KIAA1328: variants seen among roughly 807,000 people sequenced by gnomAD.
KIAA1328 encodes protein hinderin.
KIAA1328 carries 52 observed loss-of-function variants against 68.1 expected under a neutral mutation model. The observed-to-expected ratio is 0.76, with a 90% CI of 0.61 to 0.96. The LOEUF is 0.96. KIAA1328 is among the 40% of genes least tolerant of loss of function. The pLI is 0.00. For synonymous variants in KIAA1328, 232 were observed against 239.4 expected (o/e 0.97, Z 0.28); for missense variants, 641 against 677.6 (o/e 0.95, Z 0.60).
intron 6 of KIAA1328, among the ~76,000 whole-genome samples, chr18:37,064,258 A>G (rs1325778074): frequency 6.6e-6 from 1 of 152,192 alleles, no homozygotes; most frequent in East Asian, 1.9e-4. Flanking sequence ...TAGCATTACT[A>G]CAGTCATTCA....
At chr18:36,838,773 C>T (rs886844273) in intron 3 of KIAA1328, among the ~76,000 whole-genome samples, 9 of 151,808 alleles carry the variant, frequency 5.9e-5, no homozygotes, top group African/African-American at 1.9e-4. Flanking sequence ...GTTGCTGTGT[C>T]GCCCAGGCTA....
chr18:37,084,201 CT>C, intron 7 of KIAA1328: 1 of 1,526,324 alleles, frequency 6.6e-7, no homozygotes, highest in Non-Finnish European at 8.8e-7. Flanking sequence ...AGAACTCAAA[CT>C]GGATATGAAT....
intron 5 of KIAA1328, among the ~76,000 whole-genome samples, chr18:36,914,494 G>A (rs1042387740): frequency 3.9e-5 from 6 of 152,120 alleles, no homozygotes; most frequent in Non-Finnish European, 8.8e-5. Flanking sequence ...GGCTGAGGTG[G>A]GGGGATCACA....
chr18:37,060,860 G>A (rs1346469340), intron 6 of KIAA1328, among the ~76,000 whole-genome samples: 1 of 152,212 alleles, frequency 6.6e-6, no homozygotes, highest in Non-Finnish European at 1.5e-5. Flanking sequence ...GCTCACGCCT[G>A]TAATCTCAGC....
intron 6 of KIAA1328, among the ~76,000 whole-genome samples, chr18:36,995,773 A>T (rs1379535539): frequency 6.6e-6 from 1 of 152,198 alleles, no homozygotes; most frequent in Non-Finnish European, 1.5e-5. Flanking sequence ...CTAGATAAAT[A>T]TGCCTTTCTC....
intron 6 of KIAA1328, among the ~76,000 whole-genome samples, chr18:37,039,780 T>A (rs2055173203): frequency 6.6e-6 from 1 of 152,224 alleles, no homozygotes; most frequent in South Asian, 2.1e-4. Context: ...CTATTAATTA[T>A]CTAGTCCTGT....
chr18:37,112,053 C>T (rs764525417), intron 7 of KIAA1328, among the ~76,000 whole-genome samples: 1 of 152,210 alleles, frequency 6.6e-6, no homozygotes, highest in Non-Finnish European at 1.5e-5. Flanking sequence ...CCTACCGCAG[C>T]TCAAGGAGGC....
At chr18:36,899,797 T>G (rs899843274) in intron 5 of KIAA1328, among the ~76,000 whole-genome samples, 6 of 151,986 alleles carry the variant, frequency 3.9e-5, no homozygotes, top group Non-Finnish European at 8.8e-5. Flanking sequence ...TTTCTATATT[T>G]GAATTCCTGC....
At chr18:37,172,418 T>G (rs2059517973) in intron 8 of KIAA1328, among the ~76,000 whole-genome samples, 1 of 152,242 alleles carries the variant, frequency 6.6e-6, no homozygotes, top group Non-Finnish European at 1.5e-5. Context: ...TGAGGCCAAG[T>G]CAGGCAGTTC....
intron 6 of KIAA1328, among the ~76,000 whole-genome samples, chr18:36,970,024 A>G (rs996921765): frequency 2.6e-5 from 4 of 152,240 alleles, no homozygotes; most frequent in African/African-American, 4.8e-5. Context: ...TTTCAGGCCA[A>G]TATCCCCAAT....
chr18:37,104,865 C>A (rs1490482030), intron 7 of KIAA1328, among the ~76,000 whole-genome samples: 4 of 152,076 alleles, frequency 2.6e-5, no homozygotes, highest in Non-Finnish European at 5.9e-5. Flanking sequence ...CAGTATCATA[C>A]ACTATTGCTA....
At chr18:36,950,350 A>G (rs939171893) in intron 5 of KIAA1328, among the ~76,000 whole-genome samples, 1 of 152,166 alleles carries the variant, frequency 6.6e-6, no homozygotes, top group Admixed American at 6.5e-5. Flanking sequence ...TCCAAACTCA[A>G]AACCAACGTG....
chr18:37,138,948 C>CTTTT lies in KIAA1328; in HGVS notation c.1233-21229_1233-21226dup, dbSNP rs869053490. On this transcript the variant is annotated intron_variant, in intron 7 of 9. Coordinates refer to ENST00000280020, the MANE Select transcript of KIAA1328 (RefSeq NM_020776.3). ...AATATTTCATGTATGAAATTTTGTTCTTTTTTTTTTTTTTTTTTTTTTTTT... is the reference window on the plus strand; with the variant it reads ...AATATTTCATGTATGAAATTTTGTTCTTTTTTTTTTTTTTTTTTTTTTTTTTTTT... 3.1e-3 allele frequency among the ~76,000 whole-genome samples: 227 copies of CTTTT among 74,116 alleles called. 31 individuals carry two copies. Among genetic ancestry groups the CTTTT allele is most frequent in the East Asian group, 0.01 (26 of 2,598 alleles). The allele number at this position is 74,116 out of a possible 152,430, so 48.6% of individuals were successfully genotyped here. A position where few individuals can be genotyped will look rare whatever the true frequency, so the allele number is the denominator to read the frequency against.
chr18:37,165,586 ATTTTTTT>A (rs767099970), intron 8 of KIAA1328, among the ~76,000 whole-genome samples: 1 of 126,024 alleles, frequency 7.9e-6, no homozygotes, highest in Non-Finnish European at 1.7e-5. Context: ...CACCCGGCTA[ATTTTTTT>A]TTTTTTTTTT....
intron 6 of KIAA1328, among the ~76,000 whole-genome samples, chr18:37,024,143 C>A (rs1039520561): frequency 6.6e-6 from 1 of 151,992 alleles, no homozygotes; most frequent in African/African-American, 2.4e-5. Context: ...CAGACACATT[C>A]CACCATGCCC....
chr18:36,961,016 T>A (rs1301778452), intron 6 of KIAA1328, among the ~76,000 whole-genome samples: 1 of 152,164 alleles, frequency 6.6e-6, no homozygotes, highest in East Asian at 1.9e-4. Flanking sequence ...AACACACTTC[T>A]CTGAGCTAAA....
intron 1 of KIAA1328, 39 bp downstream of exon 1, chr18:36,829,235 C>T (rs1284539875): frequency 2.0e-6 from 3 of 1,486,956 alleles, no homozygotes; most frequent in African/African-American, 2.9e-5. Flanking sequence ...CCGGCGCCCT[C>T]CACGGGACGG....
intron 7 of KIAA1328, among the ~76,000 whole-genome samples, chr18:37,159,050 A>T (rs973960466): frequency 3.4e-5 from 5 of 149,012 alleles, no homozygotes; most frequent in South Asian, 2.1e-4. Context: ...GTTCTGATTT[A>T]AAAAAAAAAG....
At chr18:36,958,008 G>A (rs949299733) in intron 5 of KIAA1328, among the ~76,000 whole-genome samples, 1 of 151,962 alleles carries the variant, frequency 6.6e-6, no homozygotes, top group African/African-American at 2.4e-5. Context: ...ATTTCTGTCT[G>A]TATATATTTG....
Sources: allele counts gnomAD v4.1 joint callset (sites outside exome capture counted in the v4.1 genomes callset), GRCh38; gene constraint gnomAD v4.1.1; transcripts MANE v1.5; gene names NCBI Gene and HGNC (gene_info 2026-07-23, HGNC 2026-07-21).